Variants in KDM4C observed in about 807,000 individuals in gnomAD.
KDM4C encodes the protein lysine-specific demethylase 4C.
KDM4C carries 81 observed loss-of-function variants against 129.3 expected under a neutral mutation model. The ratio of observed to expected loss-of-function variants is 0.63; its 90% confidence interval spans 0.52 to 0.75. The LOEUF (loss-of-function observed/expected upper bound fraction) is 0.75. KDM4C is among the 30% of genes least tolerant of loss of function. The pLI is 0.00. For missense variants in KDM4C, 1,457 were observed against 1,304.0 expected, an observed-to-expected ratio of 1.12 and a Z score of -1.81; for synonymous variants, 573 against 456.1, an observed-to-expected ratio of 1.26 and a Z score of -3.26.
rs148705064 is a variant in KDM4C at position 7,133,151 on chromosome 9, A to T, written c.2781+4915A>T. On this transcript the variant is annotated intron_variant, in intron 19 of 21. Transcript: ENST00000381309. ...CTACTAATTTGAAAGGAGCAAATAA[A>T]CTAAATGCCTGACATATAGTAGGAA... Among the ~76,000 whole-genome samples, 349 of 152,332 alleles carry T rather than the reference A, an allele frequency of 2.3e-3. 2 individuals are homozygous for T. Among genetic ancestry groups the T allele is most frequent in the Admixed American group, 6.0e-3 (92 of 15,310 alleles).
chr9:6,914,744 C>G (rs1365797347), intron 8 of KDM4C, among the ~76,000 whole-genome samples: 5 of 152,184 alleles, frequency 3.3e-5, no homozygotes, highest in African/African-American at 9.6e-5. Flanking sequence ...AGCAAATTCG[C>G]CTTCCCCATT....
At chr9:7,145,626 C>T (rs572917322) in intron 19 of KDM4C, among the ~76,000 whole-genome samples, 1 of 152,358 alleles carries the variant, frequency 6.6e-6, no homozygotes, top group South Asian at 2.1e-4. Flanking sequence ...TCAATTTTTG[C>T]TGCAATTGTT....
chr9:7,048,475 G>A (rs1829719093), intron 16 of KDM4C, among the ~76,000 whole-genome samples: 1 of 151,936 alleles, frequency 6.6e-6, no homozygotes, highest in African/African-American at 2.4e-5. Flanking sequence ...TAGTATTAAC[G>A]GGAAAGTTGT....
At chr9:6,919,255 C>CTTTTCT (rs1554643787) in intron 8 of KDM4C, among the ~76,000 whole-genome samples, 1 of 122,526 alleles carries the variant, frequency 8.2e-6, no homozygotes, top group African/African-American at 3.3e-5. Context: ...TCTTTTCTTT[C>CTTTTCT]TTTCTTTCTT....
chr9:6,908,279 G>A (rs1035238745), intron 8 of KDM4C, among the ~76,000 whole-genome samples: 2 of 152,120 alleles, frequency 1.3e-5, no homozygotes, highest in Non-Finnish European at 2.9e-5. Flanking sequence ...GTGAAATGAG[G>A]TTATAATTTT....
chr9:7,057,389 T>G (rs1424319006), intron 17 of KDM4C, among the ~76,000 whole-genome samples: 1 of 152,244 alleles, frequency 6.6e-6, no homozygotes, highest in African/African-American at 2.4e-5. Context: ...TATATCATGC[T>G]TTAGATCACA....
intron 19 of KDM4C, among the ~76,000 whole-genome samples, chr9:7,162,787 G>A (rs982024141): frequency 1.3e-5 from 2 of 152,066 alleles, no homozygotes; most frequent in Non-Finnish European, 2.9e-5. Context: ...GTTGTTTGTG[G>A]TGGGTAAGAA....
At chr9:6,843,305 C>A (rs758266123) in intron 4 of KDM4C, among the ~76,000 whole-genome samples, 1 of 152,144 alleles carries the variant, frequency 6.6e-6, no homozygotes, top group South Asian at 2.1e-4. Context: ...TCGAGGTGCC[C>A]CTCTAAAAAG....
intron 19 of KDM4C, among the ~76,000 whole-genome samples, chr9:7,143,164 C>G (rs970821195): frequency 1.3e-5 from 2 of 152,206 alleles, no homozygotes; most frequent in Non-Finnish European, 2.9e-5. Flanking sequence ...GCCCACTTAC[C>G]CTGGGAGCCC....
intron 15 of KDM4C, among the ~76,000 whole-genome samples, chr9:7,017,113 C>A (rs961349407): frequency 1.3e-5 from 2 of 152,056 alleles, no homozygotes; most frequent in Non-Finnish European, 2.9e-5. Flanking sequence ...TTTTTAAATT[C>A]TTTTGTAGAG....
chr9:6,806,498 AAAATAAATAAATAAAT>A (rs3072002), intron 3 of KDM4C, among the ~76,000 whole-genome samples: 16 of 146,690 alleles, frequency 1.1e-4, no homozygotes, highest in East Asian at 4.0e-4. Context: ...CCGTCTCGAA[AAAATAAATAAATAAAT>A]AAATAAATAA....
chr9:6,775,637 C>G (rs1017247882), intron 1 of KDM4C, among the ~76,000 whole-genome samples: 1 of 152,002 alleles, frequency 6.6e-6, no homozygotes, highest in East Asian at 1.9e-4. Flanking sequence ...ATTCTTCTGC[C>G]TCAGCCTCCG....
chr9:7,035,090 G>A (rs1444075929), intron 15 of KDM4C, among the ~76,000 whole-genome samples: 1 of 151,720 alleles, frequency 6.6e-6, no homozygotes, highest in Non-Finnish European at 1.5e-5. Flanking sequence ...TCAGCTCACT[G>A]TATTCTCTAC....
upstream of KDM4C, among the ~76,000 whole-genome samples, chr9:6,753,865 ATTC>A (rs1818155054): frequency 7.0e-6 from 1 of 142,640 alleles, no homozygotes; most frequent in African/African-American, 2.6e-5. Flanking sequence ...CTATCATTGA[ATTC>A]TTTTTTTTTT....
intron 15 of KDM4C, among the ~76,000 whole-genome samples, chr9:7,017,992 G>A (rs12552794): frequency 1.3e-5 from 2 of 152,276 alleles, no homozygotes; most frequent in Admixed American, 1.3e-4. Context: ...TAATGTTAGA[G>A]GTTTTACCTC....
At chr9:6,720,966 G>A in exon 1 of KDM4C, 1 of 1,551,646 alleles carries the variant, frequency 6.4e-7, no homozygotes, top group Non-Finnish European at 8.7e-7. Flanking sequence ...ACTATGGGCT[G>A]CCCTGGAAGA....
At chr9:6,930,605 A>G (rs927780543) in intron 8 of KDM4C, among the ~76,000 whole-genome samples, 1 of 136,502 alleles carries the variant, frequency 7.3e-6, no homozygotes, top group South Asian at 2.5e-4. Context: ...TGTATATAAT[A>G]AAACATGTTA....
intron 19 of KDM4C, among the ~76,000 whole-genome samples, chr9:7,153,830 G>A (rs1239810115): frequency 6.6e-6 from 1 of 151,318 alleles, no homozygotes; most frequent in East Asian, 1.9e-4. Context: ...CAAAAAGGAG[G>A]CTGTTCAGCT....
At chr9:6,930,896 G>A (rs7037799) in intron 8 of KDM4C, among the ~76,000 whole-genome samples, 84,878 of 151,836 alleles carry the variant, frequency 0.56, 24,311 homozygotes, top group Middle Eastern at 0.64. Flanking sequence ...AAAAATGCAG[G>A]GGCTTGGTCC....
Sources: allele counts gnomAD v4.1 joint callset (sites outside exome capture counted in the v4.1 genomes callset), GRCh38; gene constraint gnomAD v4.1.1; transcripts MANE v1.5; gene names NCBI Gene and HGNC (gene_info 2026-07-23, HGNC 2026-07-21).